AKAP9: variants seen among roughly 807,000 people sequenced by gnomAD.
AKAP9 encodes A-kinase anchoring protein 9, also known as A-kinase anchor protein 9.
A neutral mutation model predicts 488.5 loss-of-function variants in AKAP9; 311 were observed. The ratio of observed to expected loss-of-function variants is 0.64; its 90% CI spans 0.58 to 0.70. The LOEUF is 0.70. AKAP9 is among the 30% of genes least tolerant of loss of function. The pLI, the probability that AKAP9 is intolerant of heterozygous loss-of-function variation, is 0.00. For synonymous variants in AKAP9, 1,462 were observed against 1,483.5 expected, an observed-to-expected ratio of 0.99 and a Z score of 0.33; for missense variants, 4,215 against 4,374.5, an observed-to-expected ratio of 0.96 and a Z score of 1.03.
chr7:92,016,970 C>T, intron 11 of AKAP9, 47 bp from the exon 12 acceptor site: 1 of 1,359,710 alleles, frequency 7.4e-7, no homozygotes, highest in Non-Finnish European at 1.0e-6. Flanking sequence ...AAGATGCAGA[C>T]TTTTACTGTG....
chr7:92,046,819 G>A (rs780809991), intron 21 of AKAP9, among the ~76,000 whole-genome samples: 1 of 152,176 alleles, frequency 6.6e-6, no homozygotes, highest in Non-Finnish European at 1.5e-5. Context: ...TAACCATTTA[G>A]GGAGGGATTT....
rs562539791 is a variant in AKAP9, at chr7:91,969,591, G to T, written c.49-4120G>T. ...TGCTTTTTATACTTGGGGCTCTGGT[G>T]CTGGGTGCATAGATATTTATAATAG... On this transcript the variant is annotated intron_variant, in intron 1 of 49. Transcript: ENST00000356239. Among the ~76,000 whole-genome samples, 3 of 152,258 alleles carry T rather than the reference G, an allele frequency of 2.0e-5. No homozygotes were observed. The South Asian group carries it at 6.2e-4, about 32-fold the overall frequency.
chr7:92,097,336 T>C lies in AKAP9; in HGVS notation c.10377T>C (p.Ile3459=), dbSNP rs1816793833. 6.2e-7 allele frequency: 1 copy of C among 1,613,362 alleles called. No individual in the cohort carries two copies. Among genetic ancestry groups the C allele is most frequent in the Non-Finnish European group, 8.5e-7 (1 of 1,179,832 alleles). The change falls in exon 41 of 50, where the codon ATT becomes ATC. Residue 3459 remains isoleucine (I), a synonymous_variant. Transcript: ENST00000356239. The stretch of plus-strand genomic sequence containing the variant: ...AAGAAAAACGAGAAAGTAGAAGAAT[T>C]CTGTATCAGAACCTTAATGAGGTAA... ...EREEKRESRR[I]LYQNLNEPTT...
chr7:91,964,190 A>G (rs1168178241), intron 1 of AKAP9, among the ~76,000 whole-genome samples: 1 of 152,202 alleles, frequency 6.6e-6, no homozygotes, highest in Non-Finnish European at 1.5e-5. Flanking sequence ...CTATGCCTAC[A>G]AGTACAATGT....
At chr7:92,013,501 T>C (rs1054211090) in intron 9 of AKAP9, among the ~76,000 whole-genome samples, 2 of 152,222 alleles carry the variant, frequency 1.3e-5, no homozygotes, top group Admixed American at 6.5e-5. Context: ...TGCAGGATTT[T>C]AAGTAGAGTA....
chr7:92,019,822 A>G (rs1432843204), intron 12 of AKAP9, among the ~76,000 whole-genome samples: 3 of 151,982 alleles, frequency 2.0e-5, no homozygotes, highest in East Asian at 1.9e-4. Context: ...AGCCTGGCCA[A>G]CATGGTGAAA....
chr7:92,098,520 T>G (rs913825253), intron 43 of AKAP9, among the ~76,000 whole-genome samples: 5 of 152,172 alleles, frequency 3.3e-5, no homozygotes, highest in Non-Finnish European at 2.9e-5. Context: ...ACCCTTAGAC[T>G]CCTACAGTGT....
chr7:92,084,615 T>C (rs1420608172), intron 33 of AKAP9, 25 bp from the exon 34 acceptor site: 1 of 1,570,028 alleles, frequency 6.4e-7, no homozygotes, highest in Non-Finnish European at 8.7e-7. Flanking sequence ...AAAAAATATA[T>C]GTACTTTTTG....
intron 8 of AKAP9, among the ~76,000 whole-genome samples, chr7:92,003,590 G>A (rs559084257): frequency 6.6e-6 from 1 of 151,956 alleles, no homozygotes; most frequent in East Asian, 1.9e-4. Context: ...CTCAAAGATT[G>A]GTTTCAGCGT....
chr7:92,093,826 T>G (rs534674123), intron 39 of AKAP9, among the ~76,000 whole-genome samples: 54 of 152,004 alleles, frequency 3.6e-4, no homozygotes, highest in Non-Finnish European at 6.2e-4. Flanking sequence ...TATTTACTTT[T>G]TATTTATTTA....
rs529232028 is a variant in AKAP9, at chr7:92,108,888, G to A, written c.11686+255G>A. On this transcript the variant is annotated intron_variant, in intron 49 of 49. Coordinates refer to ENST00000356239, the MANE Select transcript of AKAP9 (RefSeq NM_005751.5). ...TGATTTCCTACTATGTTCATTCAGC[G>A]GACTGATGACACAAAATGCACAATG... The A allele has an allele frequency of 7.4e-4, 386 of 521,476 alleles. 6 individuals carry two copies. Among genetic ancestry groups the A allele is most frequent in the South Asian group, 6.5e-3 (333 of 50,996 alleles). The allele number at this position is 521,476 out of a possible 1,614,324, so 32.3% of individuals were successfully genotyped here.
Position 92,001,932 on chromosome 7 carries a change from A to G in AKAP9, c.2015A>G (p.Asn672Ser), listed in dbSNP as rs1423064870. The G allele has an allele frequency of 6.2e-7, 1 of 1,612,992 alleles. No homozygotes were observed. Among genetic ancestry groups the G allele is most frequent in the South Asian group, 1.1e-5 (1 of 90,958 alleles). ...HYKQQIDGLQ[N>S]EMSQKIETMQ... ...AAACAGCAGATAGATGGTTTACAGA[A>G]TGAAATGAGTCAAAAGATAGAAACC... is the stretch of plus-strand genomic sequence containing the variant. The change falls in exon 8 of 50, where the codon AAT (asparagine) becomes AGT (serine). Residue 672 changes from asparagine (N) to serine (S), a missense_variant. Coordinates refer to ENST00000356239, the MANE Select transcript of AKAP9 (RefSeq NM_005751.5).
chr7:91,993,028 T>C lies in AKAP9; in HGVS notation c.549T>C (p.Val183=), dbSNP rs1347637851. ...ELNRELEEMR[V]TYGTEGLQQL... ...ACAGAGAGCTGGAAGAAATGAGGGT[T>C]ACCTATGGGACTGAAGGACTGCAGC... The change falls in exon 5 of 50, where the codon GTT becomes GTC. Residue 183 remains valine, a synonymous_variant. Coordinates refer to ENST00000356239, the MANE Select transcript of AKAP9 (RefSeq NM_005751.5). 2 of 1,614,106 alleles carry C rather than the reference T, an allele frequency of 1.2e-6. No individual in the cohort carries two copies. Among genetic ancestry groups the C allele is most frequent in the Admixed American group, 1.7e-5 (1 of 60,026 alleles).
Position 92,083,506 on chromosome 7 carries a change from G to T in AKAP9, c.8497G>T (p.Glu2833Ter). Residue 2833 changes from glutamate to a stop codon, truncating the protein, a stop_gained, in exon 33 of 50, where the codon GAA (glutamate) becomes TAA (stop). Transcript: ENST00000356239. LOFTEE classifies it high-confidence loss of function. Reference protein sequence around the residue: ...QFTEKIEKMQELHAAEILDME... With the variant: ...QFTEKIEKMQ ...TACTGAAAAAATTGAGAAGATGCAA[G>T]AACTACATGCTGCTGAAATTTTGGA... 1 of 1,610,500 alleles carries T rather than the reference G, an allele frequency of 6.2e-7. No individual in the cohort carries two copies. Among genetic ancestry groups the T allele is most frequent in the South Asian group, 1.1e-5 (1 of 90,306 alleles).
At chr7:92,107,537 A>G in intron 48 of AKAP9, 115 bp downstream of exon 48, 1 of 1,085,960 alleles carries the variant, frequency 9.2e-7, no homozygotes, top group Non-Finnish European at 1.4e-6. Flanking sequence ...TCTTTGTTAT[A>G]TATAATTTAC....
chr7:92,057,089 A>C (rs1186628395), intron 22 of AKAP9, among the ~76,000 whole-genome samples: 1 of 152,048 alleles, frequency 6.6e-6, no homozygotes, highest in Admixed American at 6.6e-5. Flanking sequence ...AGATACCTTA[A>C]GTGGTATAGT....
At chr7:92,075,972 TGTTGCC>T (rs1812525409) in intron 28 of AKAP9, among the ~76,000 whole-genome samples, 1 of 152,196 alleles carries the variant, frequency 6.6e-6, no homozygotes, top group Non-Finnish European at 1.5e-5. Context: ...GGATAGGCTC[TGTTGCC>T]TTAGATAACA....
intron 1 of AKAP9, 53 bp from the exon 2 acceptor site, chr7:91,973,658 G>A: frequency 6.3e-7 from 1 of 1,576,862 alleles, no homozygotes; most frequent in South Asian, 1.2e-5. Flanking sequence ...TTTTCTTGGT[G>A]GCAATAAAGA....
At chr7:92,084,283 C>T (rs1478463600) in intron 33 of AKAP9, among the ~76,000 whole-genome samples, 1 of 152,000 alleles carries the variant, frequency 6.6e-6, no homozygotes, top group South Asian at 2.1e-4. Context: ...AATAAAAAAA[C>T]GGGGGCAGTC....
Sources: allele counts gnomAD v4.1 joint callset (sites outside exome capture counted in the v4.1 genomes callset), GRCh38; gene constraint gnomAD v4.1.1; transcripts MANE v1.5; gene names NCBI Gene and HGNC (gene_info 2026-07-23, HGNC 2026-07-21).